CTTNBP2NL: variants seen among roughly 807,000 people sequenced by gnomAD.
CTTNBP2NL encodes CTTNBP2 N-terminal-like protein.
A neutral mutation model predicts 32.5 loss-of-function variants in CTTNBP2NL; 16 were observed. The observed-to-expected ratio is 0.49, with a 90% confidence interval of 0.33 to 0.75. The LOEUF (loss-of-function observed/expected upper bound fraction) is 0.75. Ranked by LOEUF, CTTNBP2NL falls within the 30% of genes least tolerant of loss-of-function variation. The pLI, the probability that CTTNBP2NL is intolerant of heterozygous loss-of-function variation, is 0.02. For synonymous variants in CTTNBP2NL, 298 were observed against 289.4 expected (o/e 1.03, Z -0.30); for missense variants, 645 against 756.0 (o/e 0.85, Z 1.72).
chr1:112,448,749 A>G (rs886619241), intron 3 of CTTNBP2NL, among the ~76,000 whole-genome samples, 193 bp from the exon 4 acceptor site: 1 of 152,212 alleles, frequency 6.6e-6, no homozygotes, highest in Non-Finnish European at 1.5e-5. Context: ...AGTGCTTTAT[A>G]AGTATTTGTT....
rs1267202963 is a variant in CTTNBP2NL, at chr1:112,461,146, TAAAGG to T, written c.*3736_*3740del. The T allele has an allele frequency of 6.6e-6, 1 of 152,022 alleles. No individual in the cohort carries two copies. The highest frequency in any genetic ancestry group is 2.4e-5 in the African/African-American group (1 of 41,374). 9.4% of individuals were successfully genotyped at this position (152,022 alleles called of 1,614,324 possible). A position where few individuals can be genotyped will look rare whatever the true frequency, so the allele number is the denominator to read the frequency against. On this transcript the variant is annotated 3_prime_UTR_variant, in exon 6 of 6. Transcript: ENST00000271277. ...TCAGTGGCCAATTCATTAGTAAAAA[TAAAGG>T]AGGGGAAAGGAGACTGGAGTAGTGG...
chr1:112,433,120 C>T (rs530377434), intron 3 of CTTNBP2NL, among the ~76,000 whole-genome samples: 1 of 152,250 alleles, frequency 6.6e-6, no homozygotes, highest in South Asian at 2.1e-4. Flanking sequence ...CTTCCTGTAG[C>T]TCCCATCACA....
intron 3 of CTTNBP2NL, among the ~76,000 whole-genome samples, chr1:112,432,970 C>CGTGTT (rs1462407018): frequency 6.6e-6 from 1 of 152,074 alleles, no homozygotes; most frequent in Non-Finnish European, 1.5e-5. Flanking sequence ...AGCATTCAAC[C>CGTGTT]GTGTTGACCA....
chr1:112,431,715 G>A (rs1649571937), intron 3 of CTTNBP2NL, among the ~76,000 whole-genome samples: 1 of 152,058 alleles, frequency 6.6e-6, no homozygotes. Context: ...TTTTTTTAAT[G>A]AGAAAGAAAG....
At chr1:112,416,526 T>C (rs1649071340) in intron 3 of CTTNBP2NL, among the ~76,000 whole-genome samples, 4 of 149,060 alleles carry the variant, frequency 2.7e-5, no homozygotes, top group South Asian at 4.3e-4. Flanking sequence ...TGAGACGGAG[T>C]GTCACTCTGT....
At chr1:112,407,459 C>T (rs1648702637) in intron 1 of CTTNBP2NL, among the ~76,000 whole-genome samples, 1 of 152,212 alleles carries the variant, frequency 6.6e-6, no homozygotes, top group Non-Finnish European at 1.5e-5. Flanking sequence ...ATTGTCTTAA[C>T]TCTGACCCGT....
upstream of CTTNBP2NL, among the ~76,000 whole-genome samples, chr1:112,391,984 C>A (rs556192363): frequency 4.7e-3 from 613 of 130,416 alleles, 10 homozygotes; most frequent in East Asian, 2.4e-3. Context: ...GAGTGAGACC[C>A]TGTCTCAATA....
intron 1 of CTTNBP2NL, among the ~76,000 whole-genome samples, chr1:112,404,202 T>C (rs770217514): frequency 1.3e-5 from 2 of 152,204 alleles, no homozygotes; most frequent in Non-Finnish European, 2.9e-5. Flanking sequence ...CCCAGCAGAA[T>C]TACTGTCCCT....
chr1:112,450,767 C>CTTTTTTTTTTT (rs34309573), intron 4 of CTTNBP2NL, among the ~76,000 whole-genome samples: 1 of 133,914 alleles, frequency 7.5e-6, no homozygotes, highest in African/African-American at 2.8e-5. Context: ...CCTATCTATT[C>CTTTTTTTTTTT]TTTTTTTTTT....
At chr1:112,427,895 C>CA (rs34043965) in intron 3 of CTTNBP2NL, among the ~76,000 whole-genome samples, 46,139 of 132,784 alleles carry the variant, frequency 0.35, 8,571 homozygotes, top group East Asian at 0.55. Flanking sequence ...GACTCTGTCT[C>CA]AAAAAAAAAA....
chr1:112,433,648 C>G (rs1348691047), intron 3 of CTTNBP2NL, among the ~76,000 whole-genome samples: 1 of 152,166 alleles, frequency 6.6e-6, no homozygotes, highest in African/African-American at 2.4e-5. Flanking sequence ...TTTCTCCTCC[C>G]ATTCCCTTCT....
upstream of CTTNBP2NL, among the ~76,000 whole-genome samples, chr1:112,392,306 G>T (rs1024772967): frequency 8.5e-5 from 13 of 152,158 alleles, no homozygotes; most frequent in African/African-American, 2.9e-4. Context: ...ATTCTTTTAA[G>T]GGTGAAATGA....
chr1:112,394,990 G>C (rs903404218), upstream of CTTNBP2NL, among the ~76,000 whole-genome samples: 1 of 152,200 alleles, frequency 6.6e-6, no homozygotes, highest in African/African-American at 2.4e-5. Flanking sequence ...GTGATAACAT[G>C]ATAAATACTT....
At chr1:112,430,204 T>TTCTTTTCTTTTCTTTTCTTG (rs796190946) in intron 3 of CTTNBP2NL, among the ~76,000 whole-genome samples, 1 of 53,326 alleles carries the variant, frequency 1.9e-5, no homozygotes, top group African/African-American at 4.2e-5. Context: ...TTCTTTTCTT[T>TTCTTTTCTTTTCTTTTCTTG]TCTTTTCTTT....
At chr1:112,454,339 G>T in intron 4 of CTTNBP2NL, 110 bp from the exon 5 acceptor site, 1 of 736,798 alleles carries the variant, frequency 1.4e-6, no homozygotes, top group Non-Finnish European at 2.3e-6. Flanking sequence ...TCGTTTGTTT[G>T]TTTGATCTCT....
At chr1:112,436,046 A>ATT (rs374188144) in intron 3 of CTTNBP2NL, among the ~76,000 whole-genome samples, 2,085 of 124,910 alleles carry the variant, frequency 0.017, 25 homozygotes, top group Non-Finnish European at 0.019. Context: ...TTCTCCTGTG[A>ATT]TTTTTTTTTT....
At position 112,443,107 on chromosome 1, in the gene CTTNBP2NL, A is replaced by G. The variant is rs144051372; in HGVS notation, c.100-5835A>G. Among the ~76,000 whole-genome samples, 786 of 152,332 alleles carry G rather than the reference A, an allele frequency of 5.2e-3. 6 individuals are homozygous for G. The highest frequency in any genetic ancestry group is 0.018 in the African/African-American group (752 of 41,572). On this transcript the variant is annotated intron_variant, in intron 3 of 5. Transcript: ENST00000271277. ...AATAGAATTTAGTACACTGTAGTCA[A>G]ATAATAATAAATGGTCATCTGTCCT...
upstream of CTTNBP2NL, among the ~76,000 whole-genome samples, chr1:112,393,667 G>A (rs1328157831): frequency 6.6e-6 from 1 of 152,088 alleles, no homozygotes; most frequent in Non-Finnish European, 1.5e-5. Context: ...TACTTCTAGG[G>A]GTGAAAAATT....
chr1:112,414,429 C>T (rs77335651), intron 2 of CTTNBP2NL, among the ~76,000 whole-genome samples: 3,530 of 152,306 alleles, frequency 0.023, 61 homozygotes, highest in Non-Finnish European at 0.038. Context: ...CTTTAAAAGA[C>T]TTGGACAGCA....
Sources: gnomAD v4.1 joint callset for allele counts (sites outside exome capture counted in the v4.1 genomes callset) on GRCh38, gnomAD v4.1.1 for gene constraint, MANE v1.5 for transcripts, NCBI Gene and HGNC (gene_info 2026-07-23, HGNC 2026-07-21) for gene names.